Variants in TNXB observed in about 807,000 individuals in gnomAD.
TNXB encodes the protein tenascin XB, also known as tenascin-X.
Under a neutral mutation model 340.5 loss-of-function variants are expected in TNXB, and 183 were observed. The ratio of observed to expected loss-of-function variants is 0.54; its 90% CI spans 0.48 to 0.61. TNXB has a LOEUF of 0.61. Ranked by LOEUF, TNXB falls within the 20% of genes least tolerant of loss-of-function variation. TNXB has a pLI of 0.00. For synonymous variants in TNXB, 2,121 were observed against 2,314.5 expected, an observed-to-expected ratio of 0.92 and a Z score of 2.40; for missense variants, 4,613 against 5,446.4, an observed-to-expected ratio of 0.85 and a Z score of 4.82.
At position 32,064,242 on chromosome 6, in the gene TNXB, T is replaced by A. The variant is rs1436798046; in HGVS notation, c.6841+579A>T. Among the ~76,000 whole-genome samples, 2 of 152,214 alleles carry A rather than the reference T, an allele frequency of 1.3e-5. No individual in the cohort carries two copies. Among genetic ancestry groups the A allele is most frequent in the African/African-American group, 4.8e-5 (2 of 41,444 alleles). ...TGTTTTGTTTTTTTGAGACAGGGTC[T>A]CACTCTGTCACACAGGCTGGAGTGC... is the stretch of plus-strand genomic sequence containing the variant. On this transcript the variant is annotated intron_variant, in intron 19 of 43. Coordinates refer to ENST00000644971, the MANE Select transcript of TNXB (RefSeq NM_001365276.2). The surrounding 1 kb of genome is among the most constrained non-coding windows in gnomAD (Gnocchi z 5.3).
At position 32,061,844 on chromosome 6, in the gene TNXB, A is replaced by G; in HGVS notation, c.7169-124T>C. 7.4e-7 allele frequency: 1 copy of G among 1,343,688 alleles called. No homozygotes were observed. Among genetic ancestry groups the G allele is most frequent in the South Asian group, 1.5e-5 (1 of 68,784 alleles). The allele number at this position is 1,343,688 out of a possible 1,614,324, so 83.2% of individuals were successfully genotyped here. On this transcript the variant is annotated intron_variant, in intron 20 of 43. Coordinates refer to ENST00000644971, the MANE Select transcript of TNXB (RefSeq NM_001365276.2). This position sits in a 1 kb window ranked among gnomAD's most constrained non-coding sequence, Gnocchi z 4.4. ...AAATAGCCAAGGCTATGACTAGGGG[A>G]CCTGAGGTCAGTTCAGAGAGGCCCA...
intron 1 of TNXB, among the ~76,000 whole-genome samples, chr6:32,107,986 C>G (rs766215453): frequency 9.2e-5 from 14 of 152,052 alleles, no homozygotes; most frequent in Non-Finnish European, 1.5e-4. Context: ...GGGAGCTAAT[C>G]GGCCTGGGAA....
chr6:32,089,242 G>A lies in TNXB; in HGVS notation c.2496C>T (p.Ala832=). The A allele has an allele frequency of 6.2e-7, 1 of 1,604,266 alleles. No individual in the cohort carries two copies. The highest frequency in any genetic ancestry group is 8.5e-7 in the Non-Finnish European group (1 of 1,175,842). ...TCTCACTGGTGGTGATGGTCTTGGA[G>A]GCAGGAAGGCCCCAGCTGGTCCCTC... ...ALRGTSWGLP[A]SKTITTMIDG... is the part of the protein sequence containing the mutation. Residue 832 remains alanine (A), a synonymous_variant, in exon 5 of 44, where the codon GCC becomes GCT. Coordinates refer to ENST00000644971, the MANE Select transcript of TNXB (RefSeq NM_001365276.2). The surrounding 1 kb of genome is among the most constrained non-coding windows in gnomAD (Gnocchi z 6.2).
Position 32,046,459 on chromosome 6 carries a change from G to A in TNXB, c.10325-3C>T. 6.4e-7 allele frequency: 1 copy of A among 1,562,758 alleles called. No individual in the cohort carries two copies. The highest frequency in any genetic ancestry group is 8.7e-7 in the Non-Finnish European group (1 of 1,148,590). ...AGGTAGCTCCTTCTCCAGGGGAGCT[G>A]TGCAGAGGGAGGAGGGAAAGCTCTT... On this transcript the variant is annotated splice_region_variant and splice_polypyrimidine_tract_variant and intron_variant, in intron 30 of 43. Transcript: ENST00000644971. This position sits in a 1 kb window ranked among gnomAD's most constrained non-coding sequence, Gnocchi z 6.9.
rs1776638066 is a variant in TNXB at position 32,043,906 on chromosome 6, G to A, written c.11387-14C>T. ...TCTGAGGCTCCCCTGAAAACATTGG[G>A]GATCGAGGGTTACCCAGGGAACCCC... On this transcript the variant is annotated splice_polypyrimidine_tract_variant and intron_variant, in intron 34 of 43. Transcript: ENST00000644971. The A allele has an allele frequency of 1.2e-6, 2 of 1,613,408 alleles. No individual in the cohort carries two copies. The highest frequency in any genetic ancestry group is 2.2e-5 in the East Asian group (1 of 44,858).
At position 32,055,980 on chromosome 6, in the gene TNXB, T is replaced by C. The variant is rs577891773; in HGVS notation, c.8338A>G (p.Met2780Val). The change falls in exon 24 of 44, where the codon ATG becomes GTG. Residue 2780 changes from methionine (M) to valine (V), a missense_variant. This residue lies in a region of TNXB where 4,327 missense variants were observed against 4,859.4 expected (regional missense o/e 0.89). Transcript: ENST00000644971. ...TCGCTCTCCTCGCCCCTGACACGCA[T>C]CACCTGGGGCCGCCCGTCCCTGTCC... The part of the protein sequence containing the change: ...YKDRDGRPQV[M>V]RVRGEESEVT... 3.2e-5 allele frequency: 52 copies of C among 1,613,358 alleles called. No individual in the cohort carries two copies. The highest frequency in any genetic ancestry group is 2.9e-4 in the African/African-American group (22 of 75,022).
chr6:32,047,674 G>T lies in TNXB; in HGVS notation c.10324+60C>A. On this transcript the variant is annotated intron_variant, in intron 30 of 43. Coordinates refer to ENST00000644971, the MANE Select transcript of TNXB (RefSeq NM_001365276.2). This position sits in a 1 kb window ranked among gnomAD's most constrained non-coding sequence, Gnocchi z 6.2. Reference sequence around the variant, plus strand: ...ATCTCACGGGAAGGCTGCAGGGCCAGCTCTGAGGGCTCGGATGAGAGGCAG... The same window carrying T: ...ATCTCACGGGAAGGCTGCAGGGCCATCTCTGAGGGCTCGGATGAGAGGCAG... The T allele has an allele frequency of 1.3e-6, 2 of 1,521,982 alleles. No homozygotes were observed. The highest frequency in any genetic ancestry group is 1.8e-6 in the Non-Finnish European group (2 of 1,135,552). The allele number at this position is 1,521,982 out of a possible 1,614,324, so 94.3% of individuals were successfully genotyped here. A position where few individuals can be genotyped will look rare whatever the true frequency, so the allele number is the denominator to read the frequency against.
chr6:32,056,674 G>T lies in TNXB; in HGVS notation c.8055C>A (p.Gly2685=). 1 of 1,613,112 alleles carries T rather than the reference G, an allele frequency of 6.2e-7. No individual in the cohort carries two copies. Among genetic ancestry groups the T allele is most frequent in the East Asian group, 2.2e-5 (1 of 44,882 alleles). ...TCTTGTATTTATGGTCTGGCTCCAGGCCTGAGATGGTGACCCCGTCCTCGT... is the reference window on the plus strand; with the variant it reads ...TCTTGTATTTATGGTCTGGCTCCAGTCCTGAGATGGTGACCCCGTCCTCGT... ...PGHEDGVTIS[G]LEPDHKYKMN... The change falls in exon 23 of 44, where the codon GGC becomes GGA. Residue 2685 remains glycine, a synonymous_variant. Coordinates refer to ENST00000644971, the MANE Select transcript of TNXB (RefSeq NM_001365276.2).
chr6:32,057,267 C>G (rs1187520680), intron 22 of TNXB, among the ~76,000 whole-genome samples: 1 of 152,188 alleles, frequency 6.6e-6, no homozygotes, highest in Admixed American at 6.5e-5. Context: ...GCAACAAGCT[C>G]AGCACACTCC....
chr6:32,095,277 G>C, intron 3 of TNXB, 86 bp from the exon 4 acceptor site: 1 of 1,055,098 alleles, frequency 9.5e-7, no homozygotes, highest in Non-Finnish European at 1.4e-6. Flanking sequence ...GGACATCGAA[G>C]AGGCCCATCC....
At position 32,096,982 on chromosome 6, in the gene TNXB, C is replaced by G. The variant is rs745422139; in HGVS notation, c.871G>C (p.Glu291Gln). The change falls in exon 3 of 44, where the codon GAG becomes CAG. Residue 291 changes from glutamate (E) to glutamine (Q), a missense_variant. Around this residue, in one of 7 missense-constraint regions of TNXB, gnomAD observed 4,327 missense variants for 4,859.4 expected, o/e 0.89. Transcript: ENST00000644971. ...PRGCSQRGRC[E>Q]NGRCVCNPGY... Reference sequence around the variant, plus strand: ...GGGTTACACACGCAGCGCCCATTCTCACAGCGCCCCCTCTGACTGCAACCG... The same window carrying G: ...GGGTTACACACGCAGCGCCCATTCTGACAGCGCCCCCTCTGACTGCAACCG... 1 of 1,605,780 alleles carries G rather than the reference C, an allele frequency of 6.2e-7. No individual in the cohort carries two copies. Among genetic ancestry groups the G allele is most frequent in the South Asian group, 1.1e-5 (1 of 90,952 alleles).
At chr6:32,099,946 TAAAA>T (rs34833929) in intron 1 of TNXB, among the ~76,000 whole-genome samples, 2 of 62,824 alleles carry the variant, frequency 3.2e-5, no homozygotes, top group African/African-American at 6.3e-5. Flanking sequence ...CATCCCTAAG[TAAAA>T]AAAAAAAAAA....
chr6:32,057,984 G>A (rs1777770530), intron 22 of TNXB, 74 bp downstream of exon 22: 2 of 1,484,724 alleles, frequency 1.3e-6, no homozygotes, highest in African/African-American at 1.4e-5. Flanking sequence ...ACAGAAATAT[G>A]TATAGGAAAA....
rs1207730899 is a variant in TNXB at position 32,087,886 on chromosome 6, G to A, written c.2779+899C>T. Reference sequence around the variant, plus strand: ...CTCCTCCCTTTCCTCTGCTGGCCTCGAGGGCCAAGGGGGCCGTGGGGGCCG... The same window carrying A: ...CTCCTCCCTTTCCTCTGCTGGCCTCAAGGGCCAAGGGGGCCGTGGGGGCCG... On this transcript the variant is annotated intron_variant, in intron 6 of 43. Transcript: ENST00000644971. The surrounding 1 kb of genome is among the most constrained non-coding windows in gnomAD (Gnocchi z 9.0). 2.5e-6 allele frequency: 1 copy of A among 399,882 alleles called. No individual in the cohort carries two copies. Among genetic ancestry groups the A allele is most frequent in the Non-Finnish European group, 4.9e-6 (1 of 204,438 alleles). The allele number at this position is 399,882 out of a possible 1,614,324, so 24.8% of individuals were successfully genotyped here.
At position 32,055,926 on chromosome 6, in the gene TNXB, G is replaced by A. The variant is rs190411129; in HGVS notation, c.8392C>T (p.Arg2798Cys). The change falls in exon 24 of 44, where the codon CGC (arginine) becomes TGC (cysteine). Residue 2798 changes from arginine to cysteine, a missense_variant. Around this residue, in one of 7 missense-constraint regions of TNXB, gnomAD observed 4,327 missense variants for 4,859.4 expected, o/e 0.89. Transcript: ENST00000644971. The stretch of plus-strand genomic sequence containing the variant: ...CCGTACAGGTGCATCTTGTATTTGC[G>A]CCCGGGCTCCAGGCCCCCCACGGTG... ...EVTVGGLEPG[R>C]KYKMHLYGLH... 5.4e-5 allele frequency: 87 copies of A among 1,613,462 alleles called. No homozygotes were observed. In the African/African-American group the frequency reaches 6.8e-4, roughly 13 times the overall value.
chr6:32,067,911 C>A lies in TNXB; in HGVS notation c.6294G>T (p.Leu2098=), dbSNP rs558446541. 1.6e-5 allele frequency: 26 copies of A among 1,612,682 alleles called. No individual in the cohort carries two copies. Among genetic ancestry groups the A allele is most frequent in the African/African-American group, 2.7e-5 (2 of 75,032 alleles). ...EAPEPAEEPL[L]GELTVTGSSP... ...AGGATCCTGTCACTGTTAGCTCCCC[C>A]AGGAGCGGCTCCTCAGCGGGCTCCG... The change falls in exon 18 of 44, where the codon CTG becomes CTT. Residue 2098 remains leucine, a synonymous_variant. Coordinates refer to ENST00000644971, the MANE Select transcript of TNXB (RefSeq NM_001365276.2). The surrounding 1 kb of genome is among the most constrained non-coding windows in gnomAD (Gnocchi z 4.2).
chr6:32,058,428 T>C lies in TNXB; in HGVS notation c.7493-38A>G. 5.4e-6 allele frequency: 8 copies of C among 1,490,294 alleles called. No individual in the cohort carries two copies. Among genetic ancestry groups the C allele is most frequent in the Non-Finnish European group, 7.2e-6 (8 of 1,109,646 alleles). The allele number at this position is 1,490,294 out of a possible 1,614,324, so 92.3% of individuals were successfully genotyped here. On this transcript the variant is annotated intron_variant, in intron 21 of 43. Coordinates refer to ENST00000644971, the MANE Select transcript of TNXB (RefSeq NM_001365276.2). This position sits in a 1 kb window ranked among gnomAD's most constrained non-coding sequence, Gnocchi z 5.1. ...ATAGGGGGATACAGAGTTTAAGGGT[T>C]TAAGGGCAACTTGCTTTGCTGGTGC...
rs1181308945 is a variant in TNXB, at chr6:32,042,190, T to C, written c.12308-17A>G. ...CCTCATTGCCTGGGGGTGGGATACG[T>C]GCCCTCATCAGGGTCCTGGTGTCCA... On this transcript the variant is annotated splice_polypyrimidine_tract_variant and intron_variant, in intron 41 of 43. Coordinates refer to ENST00000644971, the MANE Select transcript of TNXB (RefSeq NM_001365276.2). 1.5e-5 allele frequency: 11 copies of C among 737,166 alleles called. No individual in the cohort carries two copies. Among genetic ancestry groups the C allele is most frequent in the African/African-American group, 2.4e-5 (1 of 42,352 alleles). 45.7% of individuals were successfully genotyped at this position (737,166 alleles called of 1,614,324 possible). A position where few individuals can be genotyped will look rare whatever the true frequency, so the allele number is the denominator to read the frequency against.
chr6:32,096,462 C>A lies in TNXB; in HGVS notation c.1391G>T (p.Arg464Leu). ...AGYSGEDCGV[R>L]SCPGDCRGRG... ...GCCACGACAGTCCCCAGGACAGCTG[C>A]GCACACCGCAGTCCTCGCCGCTGTA... The change falls in exon 3 of 44, where the codon CGC (arginine) becomes CTC (leucine). Residue 464 changes from arginine to leucine, a missense_variant. Transcript: ENST00000644971. 1 of 1,599,750 alleles carries A rather than the reference C, an allele frequency of 6.3e-7. No individual in the cohort carries two copies.
Sources: allele counts gnomAD v4.1 joint callset (sites outside exome capture counted in the v4.1 genomes callset), GRCh38; gene constraint gnomAD v4.1.1; regional missense constraint gnomAD v4.1.1; non-coding constraint Gnocchi (gnomAD v3.1); transcripts MANE v1.5; gene names NCBI Gene and HGNC (gene_info 2026-07-23, HGNC 2026-07-21).